MYO3B: variants seen among roughly 807,000 people sequenced by gnomAD.
The protein encoded by MYO3B is myosin-IIIb.
A neutral mutation model predicts 174.6 loss-of-function variants in MYO3B; 156 were observed. The observed-to-expected ratio is 0.89, with a 90% CI of 0.78 to 1.02. The LOEUF (loss-of-function observed/expected upper bound fraction) is 1.02, where lower values mean the gene tolerates loss of function less well. Ranked by LOEUF, MYO3B falls within the 50% of genes least tolerant of loss-of-function variation. The probability of loss-of-function intolerance (pLI) is 0.00; values close to 1 mark genes in which losing one functional copy is unlikely to be tolerated. For synonymous variants in MYO3B, 563 were observed against 569.1 expected, an observed-to-expected ratio of 0.99 and a Z score of 0.15; for missense variants, 1,632 against 1,639.4, an observed-to-expected ratio of 1.00 and a Z score of 0.08.
At chr2:170,294,456 G>C (rs1345884182) in intron 7 of MYO3B, among the ~76,000 whole-genome samples, 3 of 151,668 alleles carry the variant, frequency 2.0e-5, no homozygotes, top group African/African-American at 7.3e-5. Context: ...CAAACAAATA[G>C]CTTGCTATAT....
rs367713389 is a variant in MYO3B, at chr2:170,581,390, T to C, written c.3733+37402T>C. On this transcript the variant is annotated intron_variant, in intron 32 of 34. Coordinates refer to ENST00000408978, the MANE Select transcript of MYO3B (RefSeq NM_138995.5). ...GGCTATTAATTATTTGCAGATTATA[T>C]GCATTGCAAATATATTCTCCTAGCC... 2.6e-5 allele frequency among the ~76,000 whole-genome samples: 4 copies of C among 152,342 alleles called. No homozygotes were observed. The South Asian group carries it at 6.2e-4, about 24-fold the overall frequency.
chr2:170,465,174 A>G (rs911331211), intron 24 of MYO3B, among the ~76,000 whole-genome samples: 2 of 152,036 alleles, frequency 1.3e-5, no homozygotes, highest in African/African-American at 4.8e-5. Flanking sequence ...TGCCCAGCCA[A>G]GACTGGATAA....
At chr2:170,418,811 A>C (rs1428472090) in intron 22 of MYO3B, among the ~76,000 whole-genome samples, 2 of 76,754 alleles carry the variant, frequency 2.6e-5, no homozygotes, top group Non-Finnish European at 4.0e-5. Flanking sequence ...CAATTACTTT[A>C]AAAAAAAAAA....
intron 23 of MYO3B, among the ~76,000 whole-genome samples, chr2:170,449,417 A>G (rs1438607716): frequency 6.6e-6 from 1 of 152,238 alleles, no homozygotes; most frequent in Non-Finnish European, 1.5e-5. Context: ...AGAAAGCAAT[A>G]TGCTCCAAAT....
intron 28 of MYO3B, among the ~76,000 whole-genome samples, chr2:170,503,387 G>A (rs953963417): frequency 1.3e-5 from 2 of 151,912 alleles, no homozygotes; most frequent in African/African-American, 4.8e-5. Flanking sequence ...GAGCACCTAT[G>A]GGGTAGCTAC....
intron 32 of MYO3B, among the ~76,000 whole-genome samples, chr2:170,567,993 T>A (rs898550720): frequency 1.3e-5 from 2 of 152,204 alleles, no homozygotes; most frequent in Admixed American, 6.5e-5. Flanking sequence ...TGATGGGTCA[T>A]GGATGTGTTA....
intron 32 of MYO3B, among the ~76,000 whole-genome samples, chr2:170,615,985 G>T (rs1010986867): frequency 1.3e-5 from 2 of 151,968 alleles, no homozygotes; most frequent in Non-Finnish European, 2.9e-5. Context: ...GTACAGTATA[G>T]AGAGATAAGA....
At chr2:170,237,899 A>C (rs552956106) in intron 7 of MYO3B, among the ~76,000 whole-genome samples, 1 of 152,240 alleles carries the variant, frequency 6.6e-6, no homozygotes, top group African/African-American at 2.4e-5. Context: ...ATAATCAGTC[A>C]GCAGATTCTC....
At chr2:170,258,305 A>G (rs1045899849) in intron 7 of MYO3B, among the ~76,000 whole-genome samples, 5 of 152,188 alleles carry the variant, frequency 3.3e-5, no homozygotes, top group Admixed American at 2.6e-4. Flanking sequence ...AGATACAAAA[A>G]TCCTCAACAA....
intron 11 of MYO3B, 85 bp from the exon 12 acceptor site, chr2:170,383,625 T>C: frequency 9.9e-7 from 1 of 1,005,226 alleles, no homozygotes; most frequent in Non-Finnish European, 1.6e-6. Flanking sequence ...CCCTAATAAG[T>C]GACAGATTCT....
At chr2:170,463,805 C>T (rs371991709) in intron 24 of MYO3B, among the ~76,000 whole-genome samples, 1 of 152,158 alleles carries the variant, frequency 6.6e-6, no homozygotes, top group South Asian at 2.1e-4. Flanking sequence ...ATTGAATTGA[C>T]CCCTTGTAAA....
rs371831501 is a variant in MYO3B, at chr2:170,492,622, A to T, written c.3015-5970A>T. Among the ~76,000 whole-genome samples the T allele has an allele frequency of 8.6e-4, 131 of 152,354 alleles. 2 individuals are homozygous for T. The South Asian group carries it at 0.024, about 28-fold the overall frequency. The stretch of plus-strand genomic sequence containing the variant: ...CATAATTAAGTTGTCTTTCAGAAAT[A>T]CAGAGCTCATGTTGAGTAAAGTCCA... On this transcript the variant is annotated intron_variant, in intron 25 of 34. Coordinates refer to ENST00000408978, the MANE Select transcript of MYO3B (RefSeq NM_138995.5).
At chr2:170,583,002 C>A (rs965022748) in intron 32 of MYO3B, among the ~76,000 whole-genome samples, 1 of 152,036 alleles carries the variant, frequency 6.6e-6, no homozygotes, top group African/African-American at 2.4e-5. Context: ...CTGGCTGCTC[C>A]TGACAGCTCC....
At chr2:170,406,295 T>C (rs2094508842) in intron 21 of MYO3B, among the ~76,000 whole-genome samples, 1 of 152,154 alleles carries the variant, frequency 6.6e-6, no homozygotes, top group African/African-American at 2.4e-5. Context: ...AGGCTGTAGG[T>C]CCAGAAAATT....
intron 24 of MYO3B, among the ~76,000 whole-genome samples, chr2:170,463,985 C>CG (rs1684463298): frequency 1.3e-5 from 2 of 152,092 alleles, no homozygotes. Flanking sequence ...ATTTGTTTGT[C>CG]TTCAAATTAT....
chr2:170,234,539 A>G (rs371456662), intron 6 of MYO3B, among the ~76,000 whole-genome samples: 10 of 152,342 alleles, frequency 6.6e-5, no homozygotes, highest in African/African-American at 2.2e-4. Flanking sequence ...TTTGGGAGGC[A>G]TGTTCAGACC....
chr2:170,430,359 T>C (rs2094699398), intron 22 of MYO3B, among the ~76,000 whole-genome samples: 1 of 147,168 alleles, frequency 6.8e-6, no homozygotes, highest in Admixed American at 7.0e-5. Context: ...CATAAAAATT[T>C]TTTTTTCTGG....
chr2:170,445,339 C>CT (rs2094832739), intron 23 of MYO3B, among the ~76,000 whole-genome samples: 1 of 147,382 alleles, frequency 6.8e-6, no homozygotes, highest in African/African-American at 2.5e-5. Context: ...TGCGGGGATA[C>CT]ATTTTTTTTT....
At position 170,178,215 on chromosome 2, in the gene MYO3B, G is replaced by A. The variant is rs1284719171; in HGVS notation, c.-73G>A. The A allele has an allele frequency of 4.4e-6, 7 of 1,593,826 alleles. No individual in the cohort carries two copies. Among genetic ancestry groups the A allele is most frequent in the Non-Finnish European group, 6.0e-6 (7 of 1,161,598 alleles). ...ATCAAAGACACCATTTTCTGGGCCT[G>A]AAGTGTTCTGCTGGTTTTTGGAGGA... On this transcript the variant is annotated 5_prime_UTR_variant, in exon 1 of 35. Coordinates refer to ENST00000408978, the MANE Select transcript of MYO3B (RefSeq NM_138995.5).
Sources: gnomAD v4.1 joint callset for allele counts (sites outside exome capture counted in the v4.1 genomes callset) on GRCh38, gnomAD v4.1.1 for gene constraint, MANE v1.5 for transcripts, NCBI Gene and HGNC (gene_info 2026-07-23, HGNC 2026-07-21) for gene names.